OR1B1: variants seen among roughly 807,000 people sequenced by gnomAD.
OR1B1 encodes olfactory receptor family 1 subfamily B member 1, also known as olfactory receptor 1B1.
For missense variants in OR1B1, 414 were observed against 402.1 expected (o/e 1.03, Z -0.25); for synonymous variants, 168 against 156.2 (o/e 1.08, Z -0.57).
upstream of OR1B1, among the ~76,000 whole-genome samples, chr9:122,634,335 CA>C (rs754164135): frequency 0.092 from 7,960 of 86,648 alleles, 566 homozygotes; most frequent in East Asian, 0.23. Context: ...AACTCCATCT[CA>C]AAAAAAAAAA....
chr9:122,645,339 TAGAA>T, the OR1B1 span, among the ~76,000 whole-genome samples: 35 of 150,916 alleles, frequency 2.3e-4, no homozygotes, highest in Non-Finnish European at 3.5e-4. Context: ...AAAGAGGAGG[TAGAA>T]AGAGAGAAAG....
the OR1B1 span, among the ~76,000 whole-genome samples, chr9:122,646,179 A>C: frequency 6.6e-6 from 1 of 152,196 alleles, no homozygotes. Context: ...ACCTCAAATC[A>C]AAAAACATAT....
At chr9:122,646,489 A>G in the OR1B1 span, among the ~76,000 whole-genome samples, 3 of 152,086 alleles carry the variant, frequency 2.0e-5, no homozygotes, top group African/African-American at 7.2e-5. Context: ...TAGGCTGAAA[A>G]TAAAGGAATG....
the OR1B1 span, among the ~76,000 whole-genome samples, chr9:122,636,712 G>A: frequency 5.3e-5 from 8 of 152,334 alleles, no homozygotes; most frequent in East Asian, 1.3e-3. Context: ...GAATGAGTGG[G>A]TGCTCGTTAA....
chr9:122,628,997 A>G (rs753187872), exon 1 of OR1B1: 8 of 1,613,920 alleles, frequency 5.0e-6, no homozygotes, highest in Non-Finnish European at 6.8e-6. Flanking sequence ...GAAGTGAGGA[A>G]GGTTAACGTT....
chr9:122,631,419 C>A (rs1367359210), upstream of OR1B1, among the ~76,000 whole-genome samples: 1 of 152,054 alleles, frequency 6.6e-6, no homozygotes, highest in Non-Finnish European at 1.5e-5. Context: ...CCTCGTGATC[C>A]GCCCACCTCG....
At chr9:122,643,321 G>A in the OR1B1 span, among the ~76,000 whole-genome samples, 4 of 152,198 alleles carry the variant, frequency 2.6e-5, no homozygotes, top group African/African-American at 9.6e-5. Context: ...CACAGCAACT[G>A]AGGGACTTTA....
At chr9:122,643,809 T>C in the OR1B1 span, among the ~76,000 whole-genome samples, 3 of 152,154 alleles carry the variant, frequency 2.0e-5, no homozygotes, top group South Asian at 2.1e-4. Flanking sequence ...TTGGGCAGAA[T>C]TGTAAGGCCC....
upstream of OR1B1, among the ~76,000 whole-genome samples, chr9:122,632,296 CA>C (rs377647204): frequency 0.08 from 11,447 of 143,558 alleles, 543 homozygotes; most frequent in Middle Eastern, 0.13. Flanking sequence ...AAGAAGTTAT[CA>C]AAAAAAAAAC....
At chr9:122,631,659 A>G (rs1830204777), upstream of OR1B1, among the ~76,000 whole-genome samples, 2 of 152,230 alleles carry the variant, frequency 1.3e-5, no homozygotes. Flanking sequence ...CATAGTCCAC[A>G]GGTTTGATTA....
chr9:122,656,488 TA>T, the OR1B1 span, among the ~76,000 whole-genome samples: 1,492 of 146,876 alleles, frequency 0.01, 27 homozygotes, highest in African/African-American at 0.035. Flanking sequence ...GGTTCCTGAT[TA>T]AAAAAAAAAA....
chr9:122,652,213 TAA>T, the OR1B1 span, among the ~76,000 whole-genome samples: 10 of 152,326 alleles, frequency 6.6e-5, no homozygotes, highest in African/African-American at 2.2e-4. Flanking sequence ...TACTATTTAA[TAA>T]AGATTCATAT....
chr9:122,651,016 C>G, the OR1B1 span, among the ~76,000 whole-genome samples: 1 of 150,146 alleles, frequency 6.7e-6, no homozygotes. Flanking sequence ...CAGAGCGAGA[C>G]GCCGTCTCAA....
At chr9:122,641,538 C>T in the OR1B1 span, among the ~76,000 whole-genome samples, 1 of 152,038 alleles carries the variant, frequency 6.6e-6, no homozygotes, top group South Asian at 2.1e-4. Flanking sequence ...AGAGAATGCA[C>T]ACTGAATGTG....
chr9:122,633,754 A>T (rs935528804), upstream of OR1B1, among the ~76,000 whole-genome samples: 2 of 151,594 alleles, frequency 1.3e-5, no homozygotes, highest in African/African-American at 4.9e-5. Context: ...ACATGGAAAA[A>T]CCTCGTCTCT....
At chr9:122,644,443 G>GA in the OR1B1 span, among the ~76,000 whole-genome samples, 2 of 152,208 alleles carry the variant, frequency 1.3e-5, no homozygotes, top group Non-Finnish European at 2.9e-5. Flanking sequence ...AGCCACGGTA[G>GA]AATAGAACAT....
Position 122,628,893 on chromosome 9 carries a change from C to G in OR1B1, c.643G>C (p.Gly215Arg), listed in dbSNP as rs1830170104. The G allele has an allele frequency of 2.5e-6, 4 of 1,614,048 alleles. No individual in the cohort carries two copies. The South Asian group carries it at 3.3e-5, about 13-fold the overall frequency. The stretch of plus-strand genomic sequence containing the variant: ...GAGAGTACAATGAGGGCACAGGGGC[C>G]CAGCATAAGGAAGCCACCCTCAAAG... Residue 215 changes from glycine (G) to arginine (R), a missense_variant, in exon 1 of 1, where the codon GGC becomes CGC. Gly to Arg is a moderately radical substitution (Grantham distance 125). Transcript: ENST00000623530.
the OR1B1 span, among the ~76,000 whole-genome samples, chr9:122,636,618 AAAAT>A: frequency 7.8e-4 from 119 of 152,192 alleles, no homozygotes; most frequent in African/African-American, 2.4e-3. Flanking sequence ...CTCTGTCTCA[AAAAT>A]AAATAAATAA....
At chr9:122,650,258 G>A in the OR1B1 span, among the ~76,000 whole-genome samples, 2 of 152,036 alleles carry the variant, frequency 1.3e-5, no homozygotes, top group African/African-American at 2.4e-5. Context: ...GGTGGGTGGG[G>A]GGCTAGAGGA....
Sources: allele counts gnomAD v4.1 joint callset (sites outside exome capture counted in the v4.1 genomes callset), GRCh38; gene constraint gnomAD v4.1.1; transcripts MANE v1.5; gene names NCBI Gene and HGNC (gene_info 2026-07-23, HGNC 2026-07-21).